Variants in LAMA5 observed in about 807,000 individuals in gnomAD.
LAMA5 encodes the protein laminin subunit alpha 5.
Under a neutral mutation model 433.4 loss-of-function variants are expected in LAMA5, and 260 were observed. The ratio of observed to expected loss-of-function variants is 0.60; its 90% CI spans 0.54 to 0.66. LAMA5 has a LOEUF of 0.66. LAMA5 is among the 30% of genes least tolerant of loss of function. The pLI is 0.00. For synonymous variants in LAMA5, 2,620 were observed against 2,226.6 expected (o/e 1.18, Z -4.97); for missense variants, 5,378 against 5,258.5 (o/e 1.02, Z -0.70).
At chr20:62,323,104 G>A (rs1338651933) in intron 45 of LAMA5, among the ~76,000 whole-genome samples, 1 of 135,354 alleles carries the variant, frequency 7.4e-6, no homozygotes, top group Non-Finnish European at 1.6e-5. Context: ...ATGGGTTGGG[G>A]GGAGGGTCTG....
Position 62,309,370 on chromosome 20 carries a change from C to T in LAMA5, c.11054G>A (p.Gly3685Glu), listed in dbSNP as rs1271156381. The change falls in exon 80 of 80, where the codon GGG becomes GAG. Residue 3685 changes from glycine to glutamate, a missense_variant. Gly to Glu is a moderately conservative substitution (Grantham distance 98). Transcript: ENST00000252999. ...TGGGCAGCCACTGGCCCCCACTGCC[C>T]CGTGGACCTCCACAGAGCGAGTCAT... is the stretch of plus-strand genomic sequence containing the variant. ...VAMTRSVEVH[G>E]AVGASGCPAA 2 of 1,590,424 alleles carry T rather than the reference C, an allele frequency of 1.3e-6. No homozygotes were observed. Among genetic ancestry groups the T allele is most frequent in the South Asian group, 2.2e-5 (2 of 89,010 alleles).
In LAMA5 at chr20:62,309,212, A is replaced by G. The variant is rs890181838; in HGVS notation, c.*124T>C. ...CGTTTAAGAAGCTATAACTTAAACC[A>G]TCTTCAGAAACAAGATCTGTCACCC... On this transcript the variant is annotated 3_prime_UTR_variant, in exon 80 of 80. Coordinates refer to ENST00000252999, the MANE Select transcript of LAMA5 (RefSeq NM_005560.6). The G allele has an allele frequency of 2.0e-6, 2 of 983,266 alleles. No homozygotes were observed. The highest frequency in any genetic ancestry group is 2.9e-6 in the Non-Finnish European group (2 of 696,504). 60.9% of individuals were successfully genotyped at this position (983,266 alleles called of 1,614,324 possible).
rs1987323068 is a variant in LAMA5 at position 62,318,703 on chromosome 20, A to G, written c.7043-53T>C. 6.9e-6 allele frequency: 11 copies of G among 1,586,942 alleles called. No homozygotes were observed. The Admixed American group carries it at 1.2e-4, about 17-fold the overall frequency. On this transcript the variant is annotated intron_variant, in intron 52 of 79. Transcript: ENST00000252999. ...ACTCTGGAAGCCAGGCCCCTTCATG[A>G]CCCCTGGTCTCCACTTGGTGCCCGC...
At chr20:62,319,520 C>T (rs1408808014) in intron 51 of LAMA5, among the ~76,000 whole-genome samples, 164 bp downstream of exon 51, 3 of 152,182 alleles carry the variant, frequency 2.0e-5, no homozygotes, top group Non-Finnish European at 2.9e-5. Flanking sequence ...GCTGTGTCGC[C>T]GACCTCCTGA....
Position 62,323,469 on chromosome 20 carries a change from G to T in LAMA5, c.6051C>A (p.Pro2017=), listed in dbSNP as rs770511964. 6.5e-7 allele frequency: 1 copy of T among 1,542,132 alleles called. No homozygotes were observed. The highest frequency in any genetic ancestry group is 8.7e-7 in the Non-Finnish European group (1 of 1,145,174). ...CCCGACGCCTACGGGTGCAGTTGCC[G>T]GGCAGCAGGGCGTTGCCGTAGAAGC... ...APGFYGNALL[P]GNCTRCDCTP... Residue 2017 remains proline (P), a synonymous_variant, in exon 45 of 80, where the codon CCC becomes CCA. Coordinates refer to ENST00000252999, the MANE Select transcript of LAMA5 (RefSeq NM_005560.6).
chr20:62,366,506 G>A (rs935615401), intron 1 of LAMA5, among the ~76,000 whole-genome samples: 6 of 152,226 alleles, frequency 3.9e-5, no homozygotes, highest in Admixed American at 1.3e-4. Context: ...GCTAGTGGGA[G>A]CCTCAGGTGG....
Position 62,324,579 on chromosome 20 carries a change from C to T in LAMA5, c.5530-25G>A, listed in dbSNP as rs2146139575. The T allele has an allele frequency of 6.4e-7, 1 of 1,554,746 alleles. No individual in the cohort carries two copies. Among genetic ancestry groups the T allele is most frequent in the Non-Finnish European group, 8.8e-7 (1 of 1,132,632 alleles). ...CCTGAGGGTGTACGGGGGCAGGTGG[C>T]ATCAGCGATTGAGAGGACGAGGGGC... On this transcript the variant is annotated intron_variant, in intron 41 of 79. Transcript: ENST00000252999. This position sits in a 1 kb window ranked among gnomAD's most constrained non-coding sequence, Gnocchi z 4.4.
intron 2 of LAMA5, among the ~76,000 whole-genome samples, chr20:62,358,396 G>A (rs983890612): frequency 6.6e-6 from 1 of 152,192 alleles, no homozygotes; most frequent in Admixed American, 6.5e-5. Context: ...CGGCCGCCGA[G>A]CTCTGTAACT....
chr20:62,349,084 A>G (rs897047434), intron 6 of LAMA5, among the ~76,000 whole-genome samples: 1 of 152,032 alleles, frequency 6.6e-6, no homozygotes, highest in Admixed American at 6.5e-5. Flanking sequence ...CTTGGCTAAC[A>G]TGGTGAAACC....
intron 18 of LAMA5, 88 bp from the exon 19 acceptor site, chr20:62,335,357 C>A (rs1981382567): frequency 1.5e-6 from 2 of 1,341,878 alleles, no homozygotes; most frequent in Admixed American, 1.9e-5. Flanking sequence ...CCCTAACACC[C>A]CCTCCAGGGC....
At chr20:62,362,998 T>C (rs116346064) in intron 1 of LAMA5, among the ~76,000 whole-genome samples, 9,540 of 150,638 alleles carry the variant, frequency 0.063, 349 homozygotes, top group South Asian at 0.18. Flanking sequence ...GGGGCAGGAG[T>C]AAGGCAAAGC....
In LAMA5 at chr20:62,353,121, G is replaced by A. The variant is rs144188820; in HGVS notation, c.568+13C>T. 1.3e-4 allele frequency: 209 copies of A among 1,553,638 alleles called. No individual in the cohort carries two copies. The East Asian group carries it at 3.8e-3, about 28-fold the overall frequency. On this transcript the variant is annotated intron_variant, in intron 3 of 79. Transcript: ENST00000252999. ...TGCCTCTCCCCCCAGGCCCCACGGCGGCAGAGACTCACAGGCAAAGAACTG... is the reference window on the plus strand; with the variant it reads ...TGCCTCTCCCCCCAGGCCCCACGGCAGCAGAGACTCACAGGCAAAGAACTG...
At chr20:62,360,294 G>A (rs1417941066) in intron 2 of LAMA5, among the ~76,000 whole-genome samples, 1 of 53,610 alleles carries the variant, frequency 1.9e-5, no homozygotes, top group East Asian at 5.0e-4. Context: ...AGGAATAAAG[G>A]GTGGGTGCTG....
Position 62,318,952 on chromosome 20 carries a change from C to G in LAMA5, c.6933G>C (p.Gln2311His). 2 of 1,596,750 alleles carry G rather than the reference C, an allele frequency of 1.3e-6. No homozygotes were observed. Among genetic ancestry groups the G allele is most frequent in the Non-Finnish European group, 1.7e-6 (2 of 1,173,978 alleles). ...CCACCTCGGCCAGTGTCCGGAGCAG[C>G]TGCTCACCTGATGGAGCCGAGGCAT... ...LANASAPSGE[Q>H]LLRTLAEVER... The change falls in exon 52 of 80, where the codon CAG becomes CAC. Residue 2311 changes from glutamine to histidine, a missense_variant. Physicochemically the swap from Gln to His is conservative, Grantham distance 24. Coordinates refer to ENST00000252999, the MANE Select transcript of LAMA5 (RefSeq NM_005560.6).
intron 1 of LAMA5, among the ~76,000 whole-genome samples, chr20:62,366,149 T>G (rs911846127): frequency 6.6e-6 from 1 of 152,188 alleles, no homozygotes; most frequent in Non-Finnish European, 1.5e-5. Flanking sequence ...TGGGAGCCGT[T>G]GGAGCTGACT....
intron 35 of LAMA5, 66 bp downstream of exon 35, chr20:62,328,175 C>T: frequency 6.6e-7 from 1 of 1,522,994 alleles, no homozygotes; most frequent in Non-Finnish European, 8.8e-7. Flanking sequence ...CCAGGACCCT[C>T]TGGCTAGAGG....
chr20:62,322,585 T>C lies in LAMA5; in HGVS notation c.6165+73A>G, dbSNP rs902763529. ...AAACACTGCCCCTCAGCCCCACCTA[T>C]CAGATTCTCCCCAGGCCCCAACTCT... On this transcript the variant is annotated intron_variant, in intron 46 of 79. Transcript: ENST00000252999. 7.7e-6 allele frequency: 11 copies of C among 1,424,088 alleles called. No homozygotes were observed. In the Admixed American group the frequency reaches 2.1e-4, roughly 27 times the overall value. The allele number at this position is 1,424,088 out of a possible 1,614,324, so 88.2% of individuals were successfully genotyped here.
intron 1 of LAMA5, among the ~76,000 whole-genome samples, chr20:62,363,759 G>C (rs538249776): frequency 6.6e-6 from 1 of 152,182 alleles, no homozygotes; most frequent in East Asian, 1.9e-4. Flanking sequence ...GGAGGCAGGA[G>C]CTGGGGAGAT....
chr20:62,330,150 G>A (rs1351990236), intron 31 of LAMA5, among the ~76,000 whole-genome samples: 1 of 152,264 alleles, frequency 6.6e-6, no homozygotes, highest in Non-Finnish European at 1.5e-5. Flanking sequence ...AACTCCATGT[G>A]CGGGACCCCA....
Sources: gnomAD v4.1 joint callset for allele counts (sites outside exome capture counted in the v4.1 genomes callset) on GRCh38, gnomAD v4.1.1 for gene constraint, Gnocchi (gnomAD v3.1) non-coding constraint, MANE v1.5 for transcripts, NCBI Gene and HGNC (gene_info 2026-07-23, HGNC 2026-07-21) for gene names.